GPR26: variants seen among roughly 807,000 people sequenced by gnomAD.
GPR26 encodes the protein G protein-coupled receptor 26.
A neutral mutation model predicts 23.1 loss-of-function variants in GPR26; 15 were observed. That is an observed-to-expected ratio of 0.65 (90% CI 0.43 to 1.00). The LOEUF is 1.00. Ranked by LOEUF, GPR26 falls within the 50% of genes least tolerant of loss-of-function variation. The pLI is 0.00. For synonymous variants in GPR26, 228 were observed against 222.1 expected, an observed-to-expected ratio of 1.03 and a Z score of -0.24; for missense variants, 359 against 470.5, an observed-to-expected ratio of 0.76 and a Z score of 2.19.
intron 1 of GPR26, among the ~76,000 whole-genome samples, chr10:123,671,179 C>G (rs1845245687): frequency 6.6e-6 from 1 of 152,146 alleles, no homozygotes; most frequent in African/African-American, 2.4e-5. Flanking sequence ...GACCCTGGCC[C>G]CTTGTGGAGA....
intron 1 of GPR26, among the ~76,000 whole-genome samples, chr10:123,670,340 A>G (rs1219805): frequency 1 from 152,077 of 152,320 alleles, 75,917 homozygotes; most frequent in Non-Finnish European, 1. Flanking sequence ...AGAAGCACTC[A>G]CCTAATTCAA....
At chr10:123,677,085 G>T (rs1364554537) in intron 2 of GPR26, among the ~76,000 whole-genome samples, 1 of 152,154 alleles carries the variant, frequency 6.6e-6, no homozygotes, top group African/African-American at 2.4e-5. Flanking sequence ...GGCTAATGAG[G>T]TGAATGGGCA....
intron 1 of GPR26, among the ~76,000 whole-genome samples, chr10:123,672,352 A>C (rs894597433): frequency 1.3e-5 from 2 of 152,160 alleles, no homozygotes; most frequent in African/African-American, 4.8e-5. Context: ...GGTCTGTCCC[A>C]AAGCAGAGGC....
At chr10:123,682,620 T>C (rs977261291) in intron 2 of GPR26, among the ~76,000 whole-genome samples, 1 of 152,248 alleles carries the variant, frequency 6.6e-6, no homozygotes, top group Non-Finnish European at 1.5e-5. Context: ...TGGAAGCATT[T>C]GTAAGGCTAT....
At chr10:123,673,126 CTGTT>C (rs1230893329) in intron 1 of GPR26, among the ~76,000 whole-genome samples, 1 of 152,128 alleles carries the variant, frequency 6.6e-6, no homozygotes, top group East Asian at 1.9e-4. Context: ...AGGACGAAAT[CTGTT>C]TGTACCAAGC....
chr10:123,675,819 C>CGTGTGTGTGTGTGTGTGTGTGTAT (rs1176442924), intron 2 of GPR26, among the ~76,000 whole-genome samples: 1 of 16,680 alleles, frequency 6.0e-5, no homozygotes, highest in Non-Finnish European at 1.4e-4. Context: ...TGTGTGTGTA[C>CGTGTGTGTGTGTGTGTGTGTGTAT]GTGTGTGTGT....
chr10:123,669,771 AT>A (rs1358661384), intron 1 of GPR26, among the ~76,000 whole-genome samples: 1 of 152,114 alleles, frequency 6.6e-6, no homozygotes, highest in Non-Finnish European at 1.5e-5. Context: ...CACCTCCAAA[AT>A]ACCCGGGACC....
chr10:123,674,811 C>T lies in GPR26; in HGVS notation c.669-7C>T, dbSNP rs756271465. ...GTAGTTCACCTTCTCTCCTCTCTCA[C>T]ATGCAGTGTGCGGGAACGCTGTCTG... On this transcript the variant is annotated splice_polypyrimidine_tract_variant and splice_region_variant and intron_variant, in intron 1 of 2. Transcript: ENST00000284674. The surrounding 1 kb of genome is among the most constrained non-coding windows in gnomAD (Gnocchi z 4.1). 1.2e-6 allele frequency: 2 copies of T among 1,602,768 alleles called. No homozygotes were observed. The highest frequency in any genetic ancestry group is 2.2e-5 in the East Asian group (1 of 44,800).
intron 2 of GPR26, among the ~76,000 whole-genome samples, chr10:123,685,066 A>T (rs1328792631): frequency 6.6e-6 from 1 of 152,104 alleles, no homozygotes. Flanking sequence ...TTGACTGTGG[A>T]GGGGGAAAGG....
rs570775263 is a variant in GPR26, at chr10:123,692,824, C to G, written c.*4664C>G. On this transcript the variant is annotated 3_prime_UTR_variant, in exon 3 of 3. Transcript: ENST00000284674. ...GGGGAGAATGCAAAACAGGGCAGGG[C>G]TCTCAAGGAGGGTGGACCAGTGACC... 6.6e-6 allele frequency: 1 copy of G among 152,178 alleles called. No homozygotes were observed. The highest frequency in any genetic ancestry group is 1.5e-5 in the Non-Finnish European group (1 of 68,060). 9.4% of individuals were successfully genotyped at this position (152,178 alleles called of 1,614,324 possible).
At chr10:123,679,481 T>G (rs79320844) in intron 2 of GPR26, among the ~76,000 whole-genome samples, 7,252 of 152,266 alleles carry the variant, frequency 0.048, 331 homozygotes, top group African/African-American at 0.11. Flanking sequence ...CCAGTTCAGT[T>G]AGACTCCCTT....
Position 123,695,427 on chromosome 10 carries a change from T to A in GPR26, c.*7267T>A, listed in dbSNP as rs1470633413. 6.6e-6 allele frequency among the ~76,000 whole-genome samples: 1 copy of A among 152,142 alleles called. No homozygotes were observed. Among genetic ancestry groups the A allele is most frequent in the Admixed American group, 6.5e-5 (1 of 15,282 alleles). ...AAGCCAAAGCCCATGATTTGATGGT[T>A]TCAAGAGCCTAAAATCTGTATTTGG... On this transcript the variant is annotated 3_prime_UTR_variant, in exon 3 of 3. Transcript: ENST00000284674.
chr10:123,687,591 A>C (rs1845442184), intron 2 of GPR26, among the ~76,000 whole-genome samples: 3 of 152,182 alleles, frequency 2.0e-5, no homozygotes, highest in Admixed American at 1.3e-4. Context: ...TTCTGCCTTT[A>C]CAATTACTGG....
At position 123,695,445 on chromosome 10, in the gene GPR26, G is replaced by A. The variant is rs889257913; in HGVS notation, c.*7285G>A. Among the ~76,000 whole-genome samples the A allele has an allele frequency of 1.3e-5, 2 of 152,156 alleles. No individual in the cohort carries two copies. The highest frequency in any genetic ancestry group is 2.9e-5 in the Non-Finnish European group (2 of 68,030). On this transcript the variant is annotated 3_prime_UTR_variant, in exon 3 of 3. Coordinates refer to ENST00000284674, the MANE Select transcript of GPR26 (RefSeq NM_153442.4). ...TGATGGTTTCAAGAGCCTAAAATCT[G>A]TATTTGGAGAGAGGAAGTCTACTCT...
intron 2 of GPR26, among the ~76,000 whole-genome samples, chr10:123,680,627 G>C (rs1199838896): frequency 6.6e-6 from 1 of 152,100 alleles, no homozygotes; most frequent in Admixed American, 6.5e-5. Context: ...AACCCACCAA[G>C]GCAGTGACAG....
Position 123,674,320 on chromosome 10 carries a change from C to T in GPR26, c.669-498C>T, listed in dbSNP as rs1845283137. ...AAACTTTCCTTGCAGGTAAAACACA[C>T]CTGCCAGGATTAACTGTGGTAAAGA... On this transcript the variant is annotated intron_variant, in intron 1 of 2. Coordinates refer to ENST00000284674, the MANE Select transcript of GPR26 (RefSeq NM_153442.4). The surrounding 1 kb of genome is among the most constrained non-coding windows in gnomAD (Gnocchi z 4.1). Among the ~76,000 whole-genome samples the T allele has an allele frequency of 6.6e-6, 1 of 152,178 alleles. No homozygotes were observed. Among genetic ancestry groups the T allele is most frequent in the African/African-American group, 2.4e-5 (1 of 41,428 alleles).
intron 2 of GPR26, among the ~76,000 whole-genome samples, chr10:123,677,833 G>A (rs959490843): frequency 2.6e-5 from 4 of 152,174 alleles, no homozygotes; most frequent in African/African-American, 9.6e-5. Flanking sequence ...CAGCACGGGG[G>A]CCACCAGCAA....
intron 2 of GPR26, among the ~76,000 whole-genome samples, chr10:123,685,709 C>T (rs755226138): frequency 6.6e-6 from 1 of 152,162 alleles, no homozygotes; most frequent in African/African-American, 2.4e-5. Context: ...CGGAAGGGAC[C>T]CCAGAGCTTC....
At position 123,667,007 on chromosome 10, in the gene GPR26, C is replaced by G; in HGVS notation, c.600C>G (p.Arg200=). 13 of 1,612,174 alleles carry G rather than the reference C, an allele frequency of 8.1e-6. No individual in the cohort carries two copies. The highest frequency in any genetic ancestry group is 1.1e-5 in the Non-Finnish European group (13 of 1,179,264). ...ACCTCAAGGTGCTCAAGGTGGCCCG[C>G]TTCCATTGCAAGCGCATCGACGTGA... ...CTYLKVLKVA[R]FHCKRIDVIT... The change falls in exon 1 of 3, where the codon CGC becomes CGG. Residue 200 remains arginine, a synonymous_variant. Coordinates refer to ENST00000284674, the MANE Select transcript of GPR26 (RefSeq NM_153442.4).
Sources: gnomAD v4.1 joint callset for allele counts (sites outside exome capture counted in the v4.1 genomes callset) on GRCh38, gnomAD v4.1.1 for gene constraint, Gnocchi (gnomAD v3.1) non-coding constraint, MANE v1.5 for transcripts, NCBI Gene and HGNC (gene_info 2026-07-23, HGNC 2026-07-21) for gene names.